The following BLNK variants were observed in gnomAD, a reference collection of about 807,000 sequenced individuals.
The protein encoded by BLNK is B cell linker, also known as B-cell linker protein.
A neutral mutation model predicts 73.5 loss-of-function variants in BLNK; 29 were observed. The ratio of observed to expected loss-of-function variants is 0.39; its 90% CI spans 0.29 to 0.54. BLNK has a LOEUF of 0.54. BLNK is among the 20% of genes least tolerant of loss of function. The probability of loss-of-function intolerance (pLI) is 0.61; values close to 1 mark genes in which losing one functional copy is unlikely to be tolerated. For synonymous variants in BLNK, 176 were observed against 200.8 expected (o/e 0.88, Z 1.04); for missense variants, 460 against 562.8 (o/e 0.82, Z 1.85).
At chr10:96,218,699 G>A (rs2084125436) in intron 6 of BLNK, among the ~76,000 whole-genome samples, 1 of 150,854 alleles carries the variant, frequency 6.6e-6, no homozygotes, top group African/African-American at 2.4e-5. Flanking sequence ...AAAAAAAAGT[G>A]GTAGATCCAG....
intron 7 of BLNK, chr10:96,216,322 A>G (rs2084063988): frequency 3.0e-6 from 1 of 337,490 alleles, no homozygotes; most frequent in African/African-American, 2.1e-5. Context: ...CAAGGCCAAC[A>G]TGGTGGCTTG....
At chr10:96,246,001 A>T (rs553239158) in intron 2 of BLNK, among the ~76,000 whole-genome samples, 28 of 152,294 alleles carry the variant, frequency 1.8e-4, no homozygotes, top group Middle Eastern at 6.8e-3. Context: ...TATTTAAAAA[A>T]TTTAAAGACT....
At chr10:96,209,785 C>A in intron 9 of BLNK, 53 bp downstream of exon 9, 10 of 1,598,588 alleles carry the variant, frequency 6.3e-6, no homozygotes, top group Non-Finnish European at 8.6e-6. Context: ...AGTGGGGTAT[C>A]ACCATCCTCA....
chr10:96,212,538 C>T (rs11818051), intron 8 of BLNK, among the ~76,000 whole-genome samples: 7,198 of 152,250 alleles, frequency 0.047, 392 homozygotes, highest in African/African-American at 0.13. Flanking sequence ...AGGACCTAAA[C>T]CTCTGGCTTT....
intron 1 of BLNK, among the ~76,000 whole-genome samples, chr10:96,250,382 G>A (rs1448535957): frequency 1.3e-5 from 2 of 151,762 alleles, no homozygotes; most frequent in African/African-American, 4.8e-5. Flanking sequence ...TGGCAGTGGG[G>A]AGAGAGATTG....
intron 15 of BLNK, among the ~76,000 whole-genome samples, chr10:96,199,019 A>G (rs7099517): frequency 0.038 from 5,860 of 152,274 alleles, 157 homozygotes; most frequent in African/African-American, 0.067. Context: ...TTTTGAATAT[A>G]AAGGAACTCA....
chr10:96,249,940 G>A (rs371367173), intron 1 of BLNK, among the ~76,000 whole-genome samples: 29 of 152,260 alleles, frequency 1.9e-4, no homozygotes, highest in African/African-American at 7.0e-4. Flanking sequence ...TAGAAGGATA[G>A]GAGAAACTTC....
At chr10:96,237,383 C>T (rs1371627819) in intron 3 of BLNK, among the ~76,000 whole-genome samples, 1 of 152,146 alleles carries the variant, frequency 6.6e-6, no homozygotes, top group African/African-American at 2.4e-5. Context: ...GTTTGCCACC[C>T]CTCCACCCTA....
chr10:96,201,583 G>T lies in BLNK; in HGVS notation c.935-525C>A, dbSNP rs149021801. Among the ~76,000 whole-genome samples, 109 of 152,280 alleles carry T rather than the reference G, an allele frequency of 7.2e-4. 4 individuals carry two copies. In the East Asian group the frequency reaches 0.015, roughly 21 times the overall value. On this transcript the variant is annotated intron_variant, in intron 13 of 16. Transcript: ENST00000224337. ...AAATACTAGGTATCAATAGAAACAT[G>T]TAAACCAAAGCTCTTTGGGTCTACA...
In BLNK at chr10:96,227,506, C is replaced by T. The variant is rs1006565682; in HGVS notation, c.265G>A (p.Glu89Lys). ...SDSEMYVMPAEENADDSYEPP... is the reference protein window; with the variant it reads ...SDSEMYVMPAKENADDSYEPP... ...TCGTAGCTGTCATCAGCGTTCTCCT[C>T]GGCGGGCATCACGTACATCTCTGAG... Residue 89 changes from glutamate (E) to lysine (K), a missense_variant, in exon 5 of 17, where the codon GAG (glutamate) becomes AAG (lysine). Glu to Lys is a moderately conservative substitution (Grantham distance 56). Around this residue, in one of 3 missense-constraint regions of BLNK, gnomAD observed 139 missense variants for 187.3 expected, o/e 0.74. Coordinates refer to ENST00000224337, the MANE Select transcript of BLNK (RefSeq NM_013314.4). 10 of 1,614,110 alleles carry T rather than the reference C, an allele frequency of 6.2e-6. No individual in the cohort carries two copies. Among genetic ancestry groups the T allele is most frequent in the African/African-American group, 1.3e-5 (1 of 74,952 alleles).
chr10:96,196,976 T>G lies in BLNK; in HGVS notation c.1183A>C (p.Asn395His). ...GCTTCAATAAATCGCACAGGAATAT[T>G]ATATACTCGCTTATTAAAGAATACA... ...LVVFFNKRVY[N>H]IPVRFIEATK... Residue 395 changes from asparagine (N) to histidine (H), a missense_variant, in exon 16 of 17, where the codon AAT (asparagine) becomes CAT (histidine). By Grantham distance (68) the Asn-to-His change is moderately conservative. Transcript: ENST00000224337. The G allele has an allele frequency of 6.2e-7, 1 of 1,613,490 alleles. No homozygotes were observed. The highest frequency in any genetic ancestry group is 8.5e-7 in the Non-Finnish European group (1 of 1,179,654).
In BLNK at chr10:96,189,370, T is replaced by C; in HGVS notation, c.*2603A>G. Reference sequence around the variant, plus strand: ...TGTTTAAACTATTTTCTAAAGAGACTTCCTCCACTGCCAGGATCTTGAATA... The same window carrying C: ...TGTTTAAACTATTTTCTAAAGAGACCTCCTCCACTGCCAGGATCTTGAATA... On this transcript the variant is annotated 3_prime_UTR_variant, in exon 17 of 17. Transcript: ENST00000224337. The C allele has an allele frequency of 1.8e-6, 1 of 570,150 alleles. No homozygotes were observed. The highest frequency in any genetic ancestry group is 3.3e-6 in the Non-Finnish European group (1 of 302,300). 35.3% of individuals were successfully genotyped at this position (570,150 alleles called of 1,614,324 possible).
chr10:96,240,548 C>T lies in BLNK; in HGVS notation c.163+2187G>A, dbSNP rs141673188. Reference sequence around the variant, plus strand: ...GTGCTGGGATAACAGGTGTGAGCCCCTGTGCCTGGCTCTACTTTTCTTCAT... The same window carrying T: ...GTGCTGGGATAACAGGTGTGAGCCCTTGTGCCTGGCTCTACTTTTCTTCAT... On this transcript the variant is annotated intron_variant, in intron 3 of 16. Coordinates refer to ENST00000224337, the MANE Select transcript of BLNK (RefSeq NM_013314.4). 9.5e-4 allele frequency among the ~76,000 whole-genome samples: 144 copies of T among 152,324 alleles called. 1 individual carries two copies. The highest frequency in any genetic ancestry group is 3.2e-3 in the African/African-American group (131 of 41,574).
At position 96,271,334 on chromosome 10, in the gene BLNK, G is replaced by A. The variant is rs868981489; in HGVS notation, c.47+18C>T. On this transcript the variant is annotated intron_variant, in intron 1 of 16. Coordinates refer to ENST00000224337, the MANE Select transcript of BLNK (RefSeq NM_013314.4). ...AAAAAAGGAGATGAAGAAGGGTATT[G>A]GGTGGGGAAAATCTTACCTCAACTT... is the stretch of plus-strand genomic sequence containing the variant. 2 of 1,613,214 alleles carry A rather than the reference G, an allele frequency of 1.2e-6. No homozygotes were observed. The highest frequency in any genetic ancestry group is 1.7e-4 in the Middle Eastern group (1 of 6,056).
intron 1 of BLNK, among the ~76,000 whole-genome samples, chr10:96,253,072 T>A (rs563576684): frequency 1.3e-5 from 2 of 152,172 alleles, no homozygotes; most frequent in Non-Finnish European, 2.9e-5. Context: ...AATAGAGGAA[T>A]CTTCTAGAAG....
intron 1 of BLNK, among the ~76,000 whole-genome samples, chr10:96,261,686 G>A (rs1554912883): frequency 6.6e-6 from 1 of 152,050 alleles, no homozygotes; most frequent in Admixed American, 6.6e-5. Flanking sequence ...TCATATATAT[G>A]TACAGAGTTC....
At chr10:96,192,243 T>C in intron 16 of BLNK, 151 bp from the exon 17 acceptor site, 1 of 1,109,296 alleles carries the variant, frequency 9.0e-7, no homozygotes, top group Non-Finnish European at 1.3e-6. Context: ...ACAAAGGCTG[T>C]AACCTTCAAG....
chr10:96,214,927 G>A (rs1175456397), intron 8 of BLNK, among the ~76,000 whole-genome samples: 1 of 152,126 alleles, frequency 6.6e-6, no homozygotes, highest in African/African-American at 2.4e-5. Flanking sequence ...GCCCAAGGTG[G>A]CATAGCTGGT....
rs550876419 is a variant in BLNK, at chr10:96,259,923, A to C, written c.47+11429T>G. On this transcript the variant is annotated intron_variant, in intron 1 of 16. Coordinates refer to ENST00000224337, the MANE Select transcript of BLNK (RefSeq NM_013314.4). Reference sequence around the variant, plus strand: ...ACCACCCTGAGACTGATGAGATGGCAAGGAAATGATGCTATACCTGCCTTA... The same window carrying C: ...ACCACCCTGAGACTGATGAGATGGCCAGGAAATGATGCTATACCTGCCTTA... Among the ~76,000 whole-genome samples, 15 of 152,162 alleles carry C rather than the reference A, an allele frequency of 9.9e-5. 1 individual carries two copies. The highest frequency in any genetic ancestry group is 3.6e-4 in the African/African-American group (15 of 41,488).
Sources: allele counts gnomAD v4.1 joint callset (sites outside exome capture counted in the v4.1 genomes callset), GRCh38; gene constraint gnomAD v4.1.1; regional missense constraint gnomAD v4.1.1; transcripts MANE v1.5; gene names NCBI Gene and HGNC (gene_info 2026-07-23, HGNC 2026-07-21).